The following FGD5 variants were observed in gnomAD, a reference collection of about 807,000 sequenced individuals.
FGD5 encodes FYVE, RhoGEF and PH domain-containing protein 5.
Under a neutral mutation model 133.4 loss-of-function variants are expected in FGD5, and 28 were observed. That is an observed-to-expected ratio of 0.21 (90% CI 0.16 to 0.29). The LOEUF (loss-of-function observed/expected upper bound fraction) is 0.29. Ranked by LOEUF, FGD5 falls within the 10% of genes least tolerant of loss-of-function variation. The probability of loss-of-function intolerance (pLI) is 1.00; values close to 1 mark genes in which losing one functional copy is unlikely to be tolerated. For synonymous variants in FGD5, 810 were observed against 776.5 expected (o/e 1.04, Z -0.72); for missense variants, 1,858 against 1,895.2 (o/e 0.98, Z 0.36).
In FGD5 at chr3:14,921,990, G is replaced by T. The variant is rs1395989953; in HGVS notation, c.3642G>T (p.Ala1214=). ...RALPEDYKAQ[A]LAAFHHSVEI... is the part of the protein sequence containing the mutation. ...TCCCTGAGGACTACAAGGCCCAGGC[G>T]CTGGCTGCATTCCACCATAGCGTGG... The change falls in exon 14 of 20, where the codon GCG becomes GCT. Residue 1214 remains alanine (A), a synonymous_variant. Transcript: ENST00000285046. 3.2e-6 allele frequency: 5 copies of T among 1,565,878 alleles called. No homozygotes were observed. Among genetic ancestry groups the T allele is most frequent in the Non-Finnish European group, 4.3e-6 (5 of 1,155,190 alleles).
At chr3:14,818,919 T>C (rs147981423), upstream of FGD5, 64,244 of 1,430,040 alleles carry the variant, frequency 0.045, 1,627 homozygotes, top group Non-Finnish European at 0.053. Context: ...TAAAGTTAAT[T>C]GTACTTTTTC....
chr3:14,921,803 C>T, intron 13 of FGD5, 115 bp from the exon 14 acceptor site: 2 of 913,566 alleles, frequency 2.2e-6, no homozygotes, highest in Admixed American at 4.1e-5. Flanking sequence ...TGGTTCTGGG[C>T]AGTGTGAGAG....
intron 10 of FGD5, among the ~76,000 whole-genome samples, chr3:14,909,662 A>C (rs2038408419): frequency 6.6e-6 from 1 of 152,192 alleles, no homozygotes; most frequent in Non-Finnish European, 1.5e-5. Flanking sequence ...CAAAGAGGAT[A>C]TCTCCATTCA....
chr3:14,925,586 C>A (rs927851281), intron 17 of FGD5, among the ~76,000 whole-genome samples: 7 of 152,250 alleles, frequency 4.6e-5, no homozygotes, highest in African/African-American at 1.7e-4. Flanking sequence ...ACTACTACCC[C>A]CCGCCACCAC....
At chr3:14,888,075 T>G (rs1255012575) in intron 4 of FGD5, among the ~76,000 whole-genome samples, 4 of 149,678 alleles carry the variant, frequency 2.7e-5, no homozygotes, top group Non-Finnish European at 5.9e-5. Context: ...GAGGCTGAGG[T>G]GGGAGGATCA....
intron 1 of FGD5, among the ~76,000 whole-genome samples, chr3:14,827,498 G>A (rs1178268967): frequency 6.6e-6 from 1 of 151,778 alleles, no homozygotes; most frequent in Non-Finnish European, 1.5e-5. Flanking sequence ...TAGCCAGGAT[G>A]TTTTCTGGTA....
At chr3:14,837,436 A>C (rs560666454) in intron 1 of FGD5, among the ~76,000 whole-genome samples, 20 of 152,116 alleles carry the variant, frequency 1.3e-4, no homozygotes, top group African/African-American at 4.8e-4. Context: ...TTTCCTTCGA[A>C]CCTGCTAATT....
At chr3:14,900,345 T>A in intron 7 of FGD5, 58 bp from the exon 8 acceptor site, 2 of 1,573,956 alleles carry the variant, frequency 1.3e-6, no homozygotes, top group South Asian at 2.3e-5. Context: ...GCCACAGTTG[T>A]GGGCAGGAGG....
intron 1 of FGD5, among the ~76,000 whole-genome samples, chr3:14,837,214 C>T (rs2036832674): frequency 6.6e-6 from 1 of 152,188 alleles, no homozygotes; most frequent in African/African-American, 2.4e-5. Flanking sequence ...GTCCCTGACT[C>T]TTTCAGCCCT....
intron 1 of FGD5, among the ~76,000 whole-genome samples, chr3:14,854,419 T>TGA (rs1441611797): frequency 3.0e-4 from 42 of 138,322 alleles, no homozygotes; most frequent in African/African-American, 4.2e-4. Flanking sequence ...ATTTATTTAT[T>TGA]TATTTATTTA....
intron 1 of FGD5, among the ~76,000 whole-genome samples, chr3:14,851,027 T>G (rs1262298359): frequency 2.0e-5 from 3 of 152,296 alleles, no homozygotes; most frequent in Non-Finnish European, 2.9e-5. Flanking sequence ...TGAGAAGGGC[T>G]TCTAGTTCTA....
At chr3:14,831,216 CG>C (rs2036701130) in intron 1 of FGD5, among the ~76,000 whole-genome samples, 1 of 152,076 alleles carries the variant, frequency 6.6e-6, no homozygotes, top group Non-Finnish European at 1.5e-5. Context: ...GATGGGAAGT[CG>C]GGTAGGCAGG....
intron 1 of FGD5, among the ~76,000 whole-genome samples, chr3:14,837,994 G>A (rs893090063): frequency 6.6e-6 from 1 of 152,202 alleles, no homozygotes; most frequent in African/African-American, 2.4e-5. Flanking sequence ...GCAGTCTAGT[G>A]GGCTCAGCTG....
chr3:14,900,861 C>T (rs933535797), intron 8 of FGD5, 142 bp from the exon 9 acceptor site: 1 of 851,626 alleles, frequency 1.2e-6, no homozygotes, highest in Non-Finnish European at 2.0e-6. Flanking sequence ...CTGAGGCATG[C>T]ATGACAGTGG....
chr3:14,862,225 C>G (rs1292908716), intron 1 of FGD5, among the ~76,000 whole-genome samples: 2 of 152,136 alleles, frequency 1.3e-5, no homozygotes, highest in African/African-American at 2.4e-5. Flanking sequence ...TACTGCTTAT[C>G]CTGGATAGAG....
chr3:14,932,729 G>A lies in FGD5; in HGVS notation c.4350G>A (p.Gln1450=), dbSNP rs781466703. Residue 1450 remains glutamine (Q), a splice_region_variant and synonymous_variant, in exon 19 of 20, where the codon CAG becomes CAA. Coordinates refer to ENST00000285046, the MANE Select transcript of FGD5 (RefSeq NM_152536.4). ...AAGCAGAAGATACCAATTCAGCTCA[G>A]AGGTACGAAAAGAACTAATTAGTCT... is the stretch of plus-strand genomic sequence containing the variant. The part of the protein sequence containing the change: ...SFKAEDTNSA[Q]RWIEAMEDAS... 92 of 1,611,900 alleles carry A rather than the reference G, an allele frequency of 5.7e-5. No homozygotes were observed. The highest frequency in any genetic ancestry group is 7.0e-5 in the Non-Finnish European group (83 of 1,179,354).
chr3:14,811,902 T>C (rs2036299690), intron 1 of FGD5, among the ~76,000 whole-genome samples: 1 of 151,862 alleles, frequency 6.6e-6, no homozygotes, highest in Non-Finnish European at 1.5e-5. Flanking sequence ...GGCAGCCCGC[T>C]CCCCGACCAA....
intron 1 of FGD5, among the ~76,000 whole-genome samples, chr3:14,857,155 CTT>C (rs36103505): frequency 2.2e-4 from 32 of 146,770 alleles, no homozygotes; most frequent in Admixed American, 3.4e-4. Flanking sequence ...AAATGTCATC[CTT>C]TTTTTTTTTT....
intron 1 of FGD5, among the ~76,000 whole-genome samples, chr3:14,812,532 C>T (rs2036310006): frequency 6.6e-6 from 1 of 152,116 alleles, no homozygotes; most frequent in Non-Finnish European, 1.5e-5. Flanking sequence ...AAATCTTAGC[C>T]GTTGTCGCTC....
Sources: gnomAD v4.1 joint callset for allele counts (sites outside exome capture counted in the v4.1 genomes callset) on GRCh38, gnomAD v4.1.1 for gene constraint, MANE v1.5 for transcripts, NCBI Gene and HGNC (gene_info 2026-07-23, HGNC 2026-07-21) for gene names.